Variants in APBA2 observed in about 807,000 individuals in gnomAD.
APBA2 encodes the protein amyloid beta precursor protein binding family A member 2, also known as amyloid-beta A4 precursor protein-binding family A member 2.
In APBA2, 30 loss-of-function variants were observed where a neutral mutation model predicts 75.0. The ratio of observed to expected loss-of-function variants is 0.40; its 90% CI spans 0.30 to 0.54. The LOEUF (loss-of-function observed/expected upper bound fraction) is 0.54. Among genes scored for constraint, APBA2 ranks in the 20% least tolerant of loss-of-function variants. APBA2 has a pLI of 0.49. For synonymous variants in APBA2, 444 were observed against 409.6 expected, an observed-to-expected ratio of 1.08 and a Z score of -1.01; for missense variants, 801 against 1,016.1, an observed-to-expected ratio of 0.79 and a Z score of 2.88.
chr15:29,078,975 C>T (rs1019065968), intron 6 of APBA2, among the ~76,000 whole-genome samples: 3 of 152,144 alleles, frequency 2.0e-5, no homozygotes, highest in African/African-American at 7.2e-5. Flanking sequence ...AGCTGTGTCT[C>T]CAGGCAACAT....
chr15:29,090,686 T>C (rs1015856799), intron 6 of APBA2, among the ~76,000 whole-genome samples: 1 of 152,178 alleles, frequency 6.6e-6, no homozygotes, highest in African/African-American at 2.4e-5. Flanking sequence ...AGAGCTTTCC[T>C]GCAGAACAAA....
intron 2 of APBA2, among the ~76,000 whole-genome samples, chr15:28,993,103 G>A (rs2038321601): frequency 1.3e-5 from 2 of 152,186 alleles, no homozygotes; most frequent in Non-Finnish European, 2.9e-5. Context: ...GGGTTTCCAA[G>A]CCATGTCTGA....
At chr15:28,919,008 C>T (rs759741213) in intron 1 of APBA2, among the ~76,000 whole-genome samples, 3 of 152,018 alleles carry the variant, frequency 2.0e-5, no homozygotes, top group South Asian at 4.2e-4. Flanking sequence ...TACAGGCGCC[C>T]GCCACCACGC....
intron 2 of APBA2, among the ~76,000 whole-genome samples, chr15:28,989,379 C>T (rs1452960599): frequency 2.0e-5 from 3 of 152,050 alleles, no homozygotes; most frequent in African/African-American, 4.8e-5. Flanking sequence ...TGGGAGGATG[C>T]GCAGGTTCGT....
At chr15:28,948,117 G>A (rs375101949) in intron 2 of APBA2, among the ~76,000 whole-genome samples, 2 of 152,268 alleles carry the variant, frequency 1.3e-5, no homozygotes, top group African/African-American at 4.8e-5. Flanking sequence ...ACTGTTTTCA[G>A]GGGGCATTTG....
chr15:29,019,603 G>A (rs914828432), intron 3 of APBA2, among the ~76,000 whole-genome samples: 1 of 152,198 alleles, frequency 6.6e-6, no homozygotes, highest in African/African-American at 2.4e-5. Flanking sequence ...GCATTGTTCT[G>A]CTGCCGGAGT....
At chr15:29,005,265 T>G (rs12438321) in intron 3 of APBA2, among the ~76,000 whole-genome samples, 11,930 of 152,172 alleles carry the variant, frequency 0.078, 639 homozygotes, top group East Asian at 0.27. Context: ...ATGTGCCTTT[T>G]TTTTTGTTTT....
chr15:29,022,763 G>T (rs1162103686), intron 3 of APBA2, among the ~76,000 whole-genome samples: 1 of 152,044 alleles, frequency 6.6e-6, no homozygotes, highest in Non-Finnish European at 1.5e-5. Flanking sequence ...CTCATTGGAG[G>T]TTCTTTTGGA....
intron 3 of APBA2, among the ~76,000 whole-genome samples, chr15:29,042,432 G>A (rs2041094871): frequency 1.3e-5 from 2 of 151,946 alleles, no homozygotes; most frequent in African/African-American, 4.8e-5. Context: ...GCCACCACGT[G>A]TATTTTTAGT....
At chr15:29,074,513 C>T (rs1016933607) in intron 4 of APBA2, among the ~76,000 whole-genome samples, 1 of 151,988 alleles carries the variant, frequency 6.6e-6, no homozygotes, top group South Asian at 2.1e-4. Flanking sequence ...TGGGGTTGGG[C>T]ATATTGAGGA....
At chr15:29,035,281 G>C (rs531581417) in intron 3 of APBA2, among the ~76,000 whole-genome samples, 1 of 152,198 alleles carries the variant, frequency 6.6e-6, no homozygotes, top group Non-Finnish European at 1.5e-5. Flanking sequence ...GATTGCAATC[G>C]TGGGGTCATT....
At chr15:28,924,715 G>A (rs904943344) in intron 2 of APBA2, among the ~76,000 whole-genome samples, 1 of 152,152 alleles carries the variant, frequency 6.6e-6, no homozygotes, top group Non-Finnish European at 1.5e-5. Flanking sequence ...TAATGCAGCT[G>A]TGAGTGTGTG....
At chr15:29,101,854 G>T in intron 10 of APBA2, 70 bp downstream of exon 10, 2 of 1,529,642 alleles carry the variant, frequency 1.3e-6, no homozygotes, top group Non-Finnish European at 1.8e-6. Context: ...GGATCCAGGC[G>T]CTGTGGAAAC....
In APBA2 at chr15:29,075,087, G is replaced by A; in HGVS notation, c.1032+86G>A. The A allele has an allele frequency of 8.9e-6, 9 of 1,015,082 alleles. No homozygotes were observed. In the South Asian group the frequency reaches 1.2e-4, roughly 14 times the overall value. 62.9% of individuals were successfully genotyped at this position (1,015,082 alleles called of 1,614,324 possible). On this transcript the variant is annotated intron_variant, in intron 5 of 14. Coordinates refer to ENST00000683413, the MANE Select transcript of APBA2 (RefSeq NM_001353788.2). ...CACCGAGTTGTGGTCTGCTCACTTT[G>A]TCCATGATGTTCTCATCCCACCCGG...
intron 6 of APBA2, among the ~76,000 whole-genome samples, chr15:29,092,068 C>A (rs2043600233): frequency 6.6e-6 from 1 of 152,182 alleles, no homozygotes; most frequent in Non-Finnish European, 1.5e-5. Context: ...GACTGCAGCC[C>A]CAATCGCAAA....
At chr15:29,021,801 C>T (rs1206679993) in intron 3 of APBA2, among the ~76,000 whole-genome samples, 2 of 152,104 alleles carry the variant, frequency 1.3e-5, no homozygotes, top group Non-Finnish European at 2.9e-5. Context: ...CATCTTTCCA[C>T]TTCCCCTACC....
At chr15:28,969,750 G>A (rs928149517) in intron 2 of APBA2, among the ~76,000 whole-genome samples, 2 of 152,192 alleles carry the variant, frequency 1.3e-5, no homozygotes, top group East Asian at 3.9e-4. Flanking sequence ...GAGGATTGAA[G>A]GGGCCAAAAG....
Position 29,117,283 on chromosome 15 carries a change from A to T in APBA2, c.*150A>T. On this transcript the variant is annotated 3_prime_UTR_variant, in exon 15 of 15. Coordinates refer to ENST00000683413, the MANE Select transcript of APBA2 (RefSeq NM_001353788.2). ...AGGGTGTGCCCTCACCACCCACTTG[A>T]TTTTTTTCATTTTGCCAAAAAGGGG... is the stretch of plus-strand genomic sequence containing the variant. 5 of 672,554 alleles carry T rather than the reference A, an allele frequency of 7.4e-6. No homozygotes were observed. Among genetic ancestry groups the T allele is most frequent in the Admixed American group, 5.4e-5 (2 of 36,882 alleles). The allele number at this position is 672,554 out of a possible 1,614,324, so 41.7% of individuals were successfully genotyped here.
chr15:29,015,048 A>G (rs919968952), intron 3 of APBA2, among the ~76,000 whole-genome samples: 1 of 152,118 alleles, frequency 6.6e-6, no homozygotes, highest in African/African-American at 2.4e-5. Context: ...TGTGTTGCAG[A>G]TGAGCTGAAG....
Sources: gnomAD v4.1 joint callset for allele counts (sites outside exome capture counted in the v4.1 genomes callset) on GRCh38, gnomAD v4.1.1 for gene constraint, MANE v1.5 for transcripts, NCBI Gene and HGNC (gene_info 2026-07-23, HGNC 2026-07-21) for gene names.